Variants in STXBP5 observed in about 807,000 individuals in gnomAD.
STXBP5 encodes the protein syntaxin-binding protein 5.
In STXBP5, 50 loss-of-function variants were observed where a neutral mutation model predicts 152.4. The observed-to-expected ratio is 0.33, with a 90% CI of 0.26 to 0.42. The LOEUF is 0.42. STXBP5 is among the 10% of genes least tolerant of loss of function. The pLI, the probability that STXBP5 is intolerant of heterozygous loss-of-function variation, is 1.00. For synonymous variants in STXBP5, 492 were observed against 494.7 expected (o/e 0.99, Z 0.07); for missense variants, 1,167 against 1,388.6 (o/e 0.84, Z 2.54).
At chr6:147,301,440 A>T (rs116783450) in intron 9 of STXBP5, among the ~76,000 whole-genome samples, 185 of 152,282 alleles carry the variant, frequency 1.2e-3, no homozygotes, top group African/African-American at 4.4e-3. Flanking sequence ...ATGAGTAAAG[A>T]TCTCTTTGAG....
intron 2 of STXBP5, among the ~76,000 whole-genome samples, chr6:147,218,729 C>A (rs1582799311): frequency 6.6e-6 from 1 of 152,162 alleles, no homozygotes; most frequent in Non-Finnish European, 1.5e-5. Context: ...GATCTCACAT[C>A]CCAAAGTGCT....
chr6:147,368,881 T>G (rs1380732597), intron 25 of STXBP5, among the ~76,000 whole-genome samples: 5 of 151,670 alleles, frequency 3.3e-5, no homozygotes, highest in Non-Finnish European at 7.4e-5. Context: ...TTGGGATAAA[T>G]CTAACAGAAA....
chr6:147,340,431 T>G (rs1784038092), intron 21 of STXBP5, among the ~76,000 whole-genome samples: 1 of 152,060 alleles, frequency 6.6e-6, no homozygotes, highest in Admixed American at 6.5e-5. Context: ...ATTATTTATC[T>G]TTGTATTTGT....
At chr6:147,221,641 C>T (rs1337185374) in intron 2 of STXBP5, among the ~76,000 whole-genome samples, 1 of 151,528 alleles carries the variant, frequency 6.6e-6, no homozygotes, top group Non-Finnish European at 1.5e-5. Context: ...TTTATCTTTG[C>T]ACCTCTGTTG....
At chr6:147,307,373 T>A (rs1782146558) in intron 9 of STXBP5, among the ~76,000 whole-genome samples, 1 of 152,198 alleles carries the variant, frequency 6.6e-6, no homozygotes, top group Non-Finnish European at 1.5e-5. Flanking sequence ...CTTACCTTTT[T>A]ATTTTAAAAG....
intron 3 of STXBP5, among the ~76,000 whole-genome samples, chr6:147,238,433 G>A (rs997145219): frequency 2.6e-5 from 4 of 152,094 alleles, no homozygotes; most frequent in African/African-American, 4.8e-5. Context: ...ATGAGGGATG[G>A]TTCACCACCT....
intron 23 of STXBP5, among the ~76,000 whole-genome samples, chr6:147,361,698 A>G (rs1785074776): frequency 6.6e-6 from 1 of 152,332 alleles, no homozygotes. Context: ...CGGTTATTTT[A>G]GGCCAGTTTT....
Position 147,315,718 on chromosome 6 carries a change from A to G in STXBP5, c.1606A>G (p.Ile536Val). 6.2e-7 allele frequency: 1 copy of G among 1,613,272 alleles called. No homozygotes were observed. The highest frequency in any genetic ancestry group is 8.5e-7 in the Non-Finnish European group (1 of 1,179,350). Residue 536 changes from isoleucine to valine, a missense_variant, in exon 15 of 28, where the codon ATC becomes GTC. This residue lies in a region of STXBP5 where 833 missense variants were observed against 986.3 expected (regional missense o/e 0.84). Transcript: ENST00000321680. ...TTATAGATTCAGCAAGCAGGAAGTA[A>G]TCACAGAAGTCATTCCGGTAATAAC... ...IIYRFSKQEVITEVIPMLEVR... is the reference protein window; with the variant it reads ...IIYRFSKQEVVTEVIPMLEVR...
intron 16 of STXBP5, among the ~76,000 whole-genome samples, chr6:147,320,328 C>CAA (rs1782859891): frequency 6.6e-6 from 1 of 152,134 alleles, no homozygotes; most frequent in African/African-American, 2.4e-5. Context: ...ACTGCCTTTG[C>CAA]AGCAGCAGAA....
At chr6:147,258,622 A>T (rs1213917354) in intron 4 of STXBP5, among the ~76,000 whole-genome samples, 2 of 151,958 alleles carry the variant, frequency 1.3e-5, no homozygotes, top group African/African-American at 4.8e-5. Context: ...TTTAATAGAG[A>T]CGGGGTTTCA....
intron 8 of STXBP5, among the ~76,000 whole-genome samples, chr6:147,289,237 A>G (rs1781152594): frequency 6.6e-6 from 1 of 152,042 alleles, no homozygotes; most frequent in African/African-American, 2.4e-5. Flanking sequence ...CTCCTGCCCC[A>G]CTCATGCCTA....
intron 18 of STXBP5, among the ~76,000 whole-genome samples, chr6:147,330,611 TAGAAGTCAGC>T (rs1783520708): frequency 6.6e-6 from 1 of 152,192 alleles, no homozygotes; most frequent in African/African-American, 2.4e-5. Context: ...AAATGATCAA[TAGAAGTCAGC>T]AGAAGTTCAC....
intron 19 of STXBP5, among the ~76,000 whole-genome samples, chr6:147,335,175 A>T (rs1339416063): frequency 1.3e-5 from 2 of 152,198 alleles, no homozygotes. Context: ...TATTCATTAA[A>T]CTAATAAAAC....
chr6:147,318,679 A>C (rs1160713661), intron 16 of STXBP5, among the ~76,000 whole-genome samples: 2 of 152,158 alleles, frequency 1.3e-5, no homozygotes, highest in African/African-American at 4.8e-5. Flanking sequence ...AGAGAGTCTC[A>C]TTAGCCAATC....
intron 26 of STXBP5, among the ~76,000 whole-genome samples, chr6:147,374,135 G>C (rs904688974): frequency 1.3e-5 from 2 of 152,142 alleles, no homozygotes; most frequent in African/African-American, 4.8e-5. Flanking sequence ...TTAATGCTAT[G>C]ATTTTCTTTA....
intron 2 of STXBP5, among the ~76,000 whole-genome samples, chr6:147,222,379 G>A (rs186215606): frequency 6.6e-6 from 1 of 152,156 alleles, no homozygotes; most frequent in Non-Finnish European, 1.5e-5. Context: ...GTAATGGTGT[G>A]GGGGGAAGGG....
chr6:147,220,445 G>T (rs1036204638), intron 2 of STXBP5, among the ~76,000 whole-genome samples: 5 of 152,042 alleles, frequency 3.3e-5, no homozygotes, highest in African/African-American at 9.7e-5. Flanking sequence ...TCTGCCTGCT[G>T]GATCTGTCCA....
intron 2 of STXBP5, among the ~76,000 whole-genome samples, chr6:147,229,801 A>G (rs781391136): frequency 3.3e-5 from 5 of 151,924 alleles, no homozygotes; most frequent in Non-Finnish European, 5.9e-5. Flanking sequence ...TATGTCACCT[A>G]TGAATAAAGA....
intron 18 of STXBP5, among the ~76,000 whole-genome samples, chr6:147,328,346 C>T (rs1382348256): frequency 6.6e-6 from 1 of 152,174 alleles, no homozygotes; most frequent in Non-Finnish European, 1.5e-5. Flanking sequence ...AACTCATTTG[C>T]AGAATACCAG....
Sources: allele counts gnomAD v4.1 joint callset (sites outside exome capture counted in the v4.1 genomes callset), GRCh38; gene constraint gnomAD v4.1.1; regional missense constraint gnomAD v4.1.1; transcripts MANE v1.5; gene names NCBI Gene and HGNC (gene_info 2026-07-23, HGNC 2026-07-21).